Variants in CMBL observed in about 807,000 individuals in gnomAD.
CMBL encodes the protein carboxymethylenebutenolidase homolog (Pseudomonas).
A neutral mutation model predicts 28.7 loss-of-function variants in CMBL; 17 were observed. That is an observed-to-expected ratio of 0.59 (90% CI 0.41 to 0.89). The LOEUF (loss-of-function observed/expected upper bound fraction) is 0.89, where lower values mean the gene tolerates loss of function less well. Among genes scored for constraint, CMBL ranks in the 40% least tolerant of loss-of-function variants. The probability of loss-of-function intolerance (pLI) is 0.00; values close to 1 mark genes in which losing one functional copy is unlikely to be tolerated. For synonymous variants in CMBL, 106 were observed against 101.6 expected (o/e 1.04, Z -0.26); for missense variants, 310 against 298.5 (o/e 1.04, Z -0.28).
chr5:10,286,133 C>A (rs980758003), intron 4 of CMBL: 4 of 432,032 alleles, frequency 9.3e-6, no homozygotes, highest in Admixed American at 4.3e-5. Flanking sequence ...CCCAAAGTCA[C>A]ACCACTGGGA....
At chr5:10,280,761 C>A (rs1746484684) in intron 5 of CMBL, 129 bp from the exon 6 acceptor site, 5 of 816,722 alleles carry the variant, frequency 6.1e-6, no homozygotes, top group Non-Finnish European at 7.4e-6. Flanking sequence ...CACAGTTACA[C>A]TGAATTCTTT....
chr5:10,304,914 G>A (rs1477815796), intron 1 of CMBL, among the ~76,000 whole-genome samples: 2 of 152,202 alleles, frequency 1.3e-5, no homozygotes, highest in Non-Finnish European at 2.9e-5. Flanking sequence ...GAATCAGACA[G>A]CCCACAGGGC....
In CMBL at chr5:10,303,400, G is replaced by A. The variant is rs115146623; in HGVS notation, c.-20+4225C>T. 9.7e-3 allele frequency among the ~76,000 whole-genome samples: 1,472 copies of A among 152,312 alleles called. 22 individuals carry two copies. The highest frequency in any genetic ancestry group is 0.033 in the African/African-American group (1,380 of 41,542). On this transcript the variant is annotated intron_variant, in intron 1 of 5. Coordinates refer to ENST00000296658, the MANE Select transcript of CMBL (RefSeq NM_138809.4). ...TAAACCTCTTCAAACATTTTACAGAGTTTGACTTCCTTCTGTCAACAACAC... is the reference window on the plus strand; with the variant it reads ...TAAACCTCTTCAAACATTTTACAGAATTTGACTTCCTTCTGTCAACAACAC...
Position 10,289,191 on chromosome 5 carries a change from TAGA to T in CMBL, c.216-665_216-663del, listed in dbSNP as rs1746660843. Among the ~76,000 whole-genome samples the T allele has an allele frequency of 1.3e-5, 2 of 151,960 alleles. No homozygotes were observed. The highest frequency in any genetic ancestry group is 2.1e-4 in the South Asian group (1 of 4,822). On this transcript the variant is annotated intron_variant, in intron 2 of 5. Transcript: ENST00000296658. This position sits in a 1 kb window ranked among gnomAD's most constrained non-coding sequence, Gnocchi z 4.3. ...AGGAACAGGGCTCCTCCTATAGGGG[TAGA>T]AGAACACTGAAACTGGAGTGAGAAA...
chr5:10,302,740 G>T (rs899308588), intron 1 of CMBL, among the ~76,000 whole-genome samples: 3 of 152,108 alleles, frequency 2.0e-5, no homozygotes, highest in African/African-American at 7.2e-5. Flanking sequence ...GTAGAAATAA[G>T]GTATGAAATT....
rs528964925 is a variant in CMBL at position 10,293,990 on chromosome 5, A to G, written c.-19-3209T>C. Among the ~76,000 whole-genome samples, 7 of 152,320 alleles carry G rather than the reference A, an allele frequency of 4.6e-5. No individual in the cohort carries two copies. The South Asian group carries it at 1.4e-3, about 32-fold the overall frequency. On this transcript the variant is annotated intron_variant, in intron 1 of 5. Transcript: ENST00000296658. ...GTGTATTGGGGAACAGCTTGTTGGA[A>G]AGGCACCATTTGGGCAAAGGAGGCG...
At chr5:10,296,123 A>G (rs1359194600) in intron 1 of CMBL, among the ~76,000 whole-genome samples, 1 of 152,206 alleles carries the variant, frequency 6.6e-6, no homozygotes, top group African/African-American at 2.4e-5. Flanking sequence ...ACATAAAACC[A>G]GGGTTATGTA....
chr5:10,286,441 C>G lies in CMBL; in HGVS notation c.379G>C (p.Gly127Arg). Reference sequence around the variant, plus strand: ...CCACCCCAGCAGAATCCCACGATGCCAATTTTCTGGGCATGACACTGTTGT... The same window carrying G: ...CCACCCCAGCAGAATCCCACGATGCGAATTTTCTGGGCATGACACTGTTGT... ...LKQQCHAQKIGIVGFCWGGTA... is the reference protein window; with the variant it reads ...LKQQCHAQKIRIVGFCWGGTA... Residue 127 changes from glycine to arginine, a missense_variant, in exon 4 of 6, where the codon GGC becomes CGC. Gly to Arg is a moderately radical substitution (Grantham distance 125). Transcript: ENST00000296658. 6.2e-7 allele frequency: 1 copy of G among 1,614,004 alleles called. No homozygotes were observed. Among genetic ancestry groups the G allele is most frequent in the Admixed American group, 1.7e-5 (1 of 60,008 alleles).
chr5:10,288,738 G>A (rs1404055458), intron 2 of CMBL, among the ~76,000 whole-genome samples: 1 of 152,260 alleles, frequency 6.6e-6, no homozygotes, highest in African/African-American at 2.4e-5. Context: ...GGTGCACAGC[G>A]TCTGGCAGCC....
At chr5:10,297,185 A>T (rs1401164324) in intron 1 of CMBL, among the ~76,000 whole-genome samples, 6 of 22,904 alleles carry the variant, frequency 2.6e-4, no homozygotes, top group African/African-American at 7.7e-4. Flanking sequence ...ACTCCATCTC[A>T]AAAAAAAAAA....
chr5:10,284,453 G>A (rs1746560860), intron 4 of CMBL, among the ~76,000 whole-genome samples: 1 of 152,160 alleles, frequency 6.6e-6, no homozygotes, highest in African/African-American at 2.4e-5. Context: ...GCCTAACGAT[G>A]GTTCCACTTT....
At chr5:10,286,062 CA>C in intron 4 of CMBL, 4 of 291,116 alleles carry the variant, frequency 1.4e-5, no homozygotes, top group Non-Finnish European at 1.9e-5. Context: ...ATTAAAAAAA[CA>C]AAAAAAGCTA....
At chr5:10,286,951 CCAGA>C (rs1320242222) in intron 3 of CMBL, among the ~76,000 whole-genome samples, 1 of 152,206 alleles carries the variant, frequency 6.6e-6, no homozygotes, top group Non-Finnish European at 1.5e-5. Flanking sequence ...GGGCAGACGC[CCAGA>C]CACTCTCTGA....
intron 1 of CMBL, among the ~76,000 whole-genome samples, chr5:10,306,034 T>TTTTTTTATTTTA (rs1430727305): frequency 6.6e-6 from 1 of 152,240 alleles, no homozygotes; most frequent in African/African-American, 2.4e-5. Context: ...AATAAAATAT[T>TTTTTTTATTTTA]TATCACTTTT....
At chr5:10,290,883 T>C in intron 1 of CMBL, 102 bp from the exon 2 acceptor site, 2 of 828,922 alleles carry the variant, frequency 2.4e-6, no homozygotes, top group South Asian at 3.4e-5. Context: ...AAATTCATTT[T>C]AGCTACATCT....
At chr5:10,301,623 G>T (rs1164391254) in intron 1 of CMBL, among the ~76,000 whole-genome samples, 1 of 29,482 alleles carries the variant, frequency 3.4e-5, no homozygotes, top group Non-Finnish European at 1.0e-4. Flanking sequence ...TTTTTTTGGA[G>T]ACGGAGTCTC....
At chr5:10,283,341 C>T (rs1746537421) in intron 4 of CMBL, among the ~76,000 whole-genome samples, 2 of 152,246 alleles carry the variant, frequency 1.3e-5, no homozygotes, top group South Asian at 4.1e-4. Context: ...TACACAAGTC[C>T]CACGGGTTCT....
In CMBL at chr5:10,291,388, C is replaced by T. The variant is rs148757498; in HGVS notation, c.-19-607G>A. On this transcript the variant is annotated intron_variant, in intron 1 of 5. Transcript: ENST00000296658. ...AAAAAGAAAGCAATCCTCGGCCGGG[C>T]GCGGTGGCTCACGCCTGTAATCCCA... is the stretch of plus-strand genomic sequence containing the variant. Among the ~76,000 whole-genome samples, 643 of 152,266 alleles carry T rather than the reference C, an allele frequency of 4.2e-3. 4 individuals are homozygous for T. The highest frequency in any genetic ancestry group is 0.015 in the African/African-American group (626 of 41,550).
intron 2 of CMBL, 82 bp from the exon 3 acceptor site, chr5:10,288,611 T>C: frequency 9.3e-7 from 1 of 1,076,868 alleles, no homozygotes; most frequent in Admixed American, 1.8e-5. Context: ...AAAAACTTGC[T>C]ACGTTGGCGA....
Sources: gnomAD v4.1 joint callset for allele counts (sites outside exome capture counted in the v4.1 genomes callset) on GRCh38, gnomAD v4.1.1 for gene constraint, Gnocchi (gnomAD v3.1) non-coding constraint, MANE v1.5 for transcripts, NCBI Gene and HGNC (gene_info 2026-07-23, HGNC 2026-07-21) for gene names.